CRIM1: variants seen among roughly 807,000 people sequenced by gnomAD.
The protein encoded by CRIM1 is cysteine rich transmembrane BMP regulator 1.
A neutral mutation model predicts 116.4 loss-of-function variants in CRIM1; 32 were observed. That is an observed-to-expected ratio of 0.27 (90% CI 0.21 to 0.37). The LOEUF (loss-of-function observed/expected upper bound fraction) is 0.37. Ranked by LOEUF, CRIM1 falls within the 10% of genes least tolerant of loss-of-function variation. The pLI, the probability that CRIM1 is intolerant of heterozygous loss-of-function variation, is 1.00. For missense variants in CRIM1, 1,331 were observed against 1,354.8 expected (o/e 0.98, Z 0.28); for synonymous variants, 590 against 509.2 (o/e 1.16, Z -2.13).
At chr2:36,429,427 C>T (rs1674702565) in intron 2 of CRIM1, among the ~76,000 whole-genome samples, 1 of 152,186 alleles carries the variant, frequency 6.6e-6, no homozygotes, top group African/African-American at 2.4e-5. Context: ...TCTCTGAATT[C>T]TCTCTCAGGC....
intron 4 of CRIM1, among the ~76,000 whole-genome samples, chr2:36,454,426 T>G (rs554613132): frequency 4.7e-4 from 72 of 152,226 alleles, no homozygotes; most frequent in Non-Finnish European, 8.2e-4. Flanking sequence ...GTGCTGCTAG[T>G]TAGAGAAGGC....
At chr2:36,544,677 A>C (rs1667189463) in intron 15 of CRIM1, among the ~76,000 whole-genome samples, 179 bp downstream of exon 15, 1 of 152,230 alleles carries the variant, frequency 6.6e-6, no homozygotes. Context: ...TTGATAAAAT[A>C]AGTCAGCAGG....
At chr2:36,407,070 C>A (rs1291646771) in intron 2 of CRIM1, among the ~76,000 whole-genome samples, 2 of 152,098 alleles carry the variant, frequency 1.3e-5, no homozygotes, top group Non-Finnish European at 2.9e-5. Flanking sequence ...AAGGTCCCAG[C>A]TGATTTTTCC....
At chr2:36,359,701 ATTG>A (rs1316394830) in intron 1 of CRIM1, among the ~76,000 whole-genome samples, 2 of 152,132 alleles carry the variant, frequency 1.3e-5, no homozygotes, top group Non-Finnish European at 1.5e-5. Context: ...CATTGTTTAG[ATTG>A]TTATTAAATA....
intron 1 of CRIM1, among the ~76,000 whole-genome samples, chr2:36,380,819 C>T (rs2148334081): frequency 6.6e-6 from 1 of 152,322 alleles, no homozygotes; most frequent in Non-Finnish European, 1.5e-5. Flanking sequence ...TTCAGAAAAG[C>T]ACCTTTAGGC....
intron 4 of CRIM1, among the ~76,000 whole-genome samples, chr2:36,452,108 C>G (rs990007862): frequency 3.3e-5 from 5 of 151,102 alleles, no homozygotes; most frequent in African/African-American, 1.2e-4. Context: ...TGGCACTTAA[C>G]AGTTTGGGTT....
At chr2:36,375,751 C>G (rs763314578) in intron 1 of CRIM1, among the ~76,000 whole-genome samples, 1 of 152,136 alleles carries the variant, frequency 6.6e-6, no homozygotes, top group Non-Finnish European at 1.5e-5. Flanking sequence ...TTCACAAATA[C>G]TTTTTGGACC....
chr2:36,385,084 G>GAA (rs58860535), intron 1 of CRIM1, among the ~76,000 whole-genome samples: 105 of 138,168 alleles, frequency 7.6e-4, no homozygotes, highest in Middle Eastern at 7.5e-3. Context: ...TTGCTTCACT[G>GAA]AAAAAAAAAA....
chr2:36,381,524 G>A (rs1670772387), intron 1 of CRIM1, among the ~76,000 whole-genome samples: 1 of 152,194 alleles, frequency 6.6e-6, no homozygotes, highest in African/African-American at 2.4e-5. Flanking sequence ...AGTAGGAGAG[G>A]ACAAAGGTGA....
At chr2:36,403,563 A>AAG (rs1033480012) in intron 2 of CRIM1, among the ~76,000 whole-genome samples, 5 of 152,240 alleles carry the variant, frequency 3.3e-5, no homozygotes, top group African/African-American at 4.8e-5. Flanking sequence ...TTGGATAGAA[A>AAG]AGAGAGGACG....
chr2:36,417,572 C>T (rs1009984015), intron 2 of CRIM1, among the ~76,000 whole-genome samples: 2 of 152,086 alleles, frequency 1.3e-5, no homozygotes, highest in Non-Finnish European at 2.9e-5. Flanking sequence ...AGTTTGGGAT[C>T]CTTGTAGGAT....
At chr2:36,467,413 T>C (rs547274980) in intron 5 of CRIM1, among the ~76,000 whole-genome samples, 5 of 152,346 alleles carry the variant, frequency 3.3e-5, no homozygotes, top group Admixed American at 2.6e-4. Context: ...TAGATGAATG[T>C]GTCTGTGTAT....
At chr2:36,457,556 G>A (rs891687099) in intron 4 of CRIM1, among the ~76,000 whole-genome samples, 2 of 152,098 alleles carry the variant, frequency 1.3e-5, no homozygotes, top group African/African-American at 4.8e-5. Flanking sequence ...AATCACGCAG[G>A]AATAAGCTTG....
intron 1 of CRIM1, among the ~76,000 whole-genome samples, chr2:36,365,526 C>A (rs983668551): frequency 6.6e-6 from 1 of 152,172 alleles, no homozygotes; most frequent in Non-Finnish European, 1.5e-5. Flanking sequence ...ATCTGTGTTG[C>A]TTTTCTCTCT....
At chr2:36,395,297 C>T (rs1051356343) in intron 1 of CRIM1, among the ~76,000 whole-genome samples, 1 of 152,110 alleles carries the variant, frequency 6.6e-6, no homozygotes, top group African/African-American at 2.4e-5. Context: ...CCACCACTCC[C>T]AGCCAAAAAC....
chr2:36,549,938 G>A lies in CRIM1; in HGVS notation c.*1237G>A, dbSNP rs1208306839. Reference sequence around the variant, plus strand: ...AACCAGAACAAAGGCAGATAAACAGGCATTCCATAGCAGTGCTTTTGATCA... The same window carrying A: ...AACCAGAACAAAGGCAGATAAACAGACATTCCATAGCAGTGCTTTTGATCA... On this transcript the variant is annotated 3_prime_UTR_variant, in exon 17 of 17. Transcript: ENST00000280527. 6.6e-6 allele frequency: 1 copy of A among 152,292 alleles called. No individual in the cohort carries two copies. 9.4% of individuals were successfully genotyped at this position (152,292 alleles called of 1,614,324 possible). A position where few individuals can be genotyped will look rare whatever the true frequency, so the allele number is the denominator to read the frequency against.
intron 5 of CRIM1, among the ~76,000 whole-genome samples, chr2:36,472,103 G>A (rs888700404): frequency 3.3e-5 from 5 of 152,182 alleles, no homozygotes; most frequent in African/African-American, 1.2e-4. Flanking sequence ...TAATTTTGCA[G>A]ACGCAAAACA....
chr2:36,487,417 T>C (rs1679903844), intron 7 of CRIM1, among the ~76,000 whole-genome samples: 1 of 152,180 alleles, frequency 6.6e-6, no homozygotes, highest in African/African-American at 2.4e-5. Flanking sequence ...TCATTCAGAA[T>C]ATTTTTGGTG....
At chr2:36,377,523 T>A (rs1036105188) in intron 1 of CRIM1, among the ~76,000 whole-genome samples, 2 of 152,172 alleles carry the variant, frequency 1.3e-5, no homozygotes, top group Non-Finnish European at 2.9e-5. Flanking sequence ...CTCCCCAACC[T>A]CTGTTCATGA....
Sources: allele counts gnomAD v4.1 joint callset (sites outside exome capture counted in the v4.1 genomes callset), GRCh38; gene constraint gnomAD v4.1.1; transcripts MANE v1.5; gene names NCBI Gene and HGNC (gene_info 2026-07-23, HGNC 2026-07-21).